Variants in LHCGR observed in about 807,000 individuals in gnomAD.
LHCGR encodes luteinizing hormone/choriogonadotropin receptor, also known as lutropin-choriogonadotropic hormone receptor.
LHCGR carries 55 observed loss-of-function variants against 60.7 expected under a neutral mutation model. That is an observed-to-expected ratio of 0.91 (90% CI 0.73 to 1.13). The LOEUF is 1.13. Among genes scored for constraint, LHCGR ranks in the 50% most tolerant of loss-of-function variants. The probability of loss-of-function intolerance (pLI) is 0.00; values close to 1 mark genes in which losing one functional copy is unlikely to be tolerated. For missense variants in LHCGR, 862 were observed against 836.0 expected (o/e 1.03, Z -0.38); for synonymous variants, 337 against 316.5 (o/e 1.06, Z -0.69).
chr2:48,687,885 G>A lies in LHCGR; in HGVS notation c.1912C>T (p.Leu638=). The change falls in exon 11 of 11, where the codon CTG becomes TTG. Residue 638 remains leucine (L), a synonymous_variant. Transcript: ENST00000294954. ...CGTTTACAGCAGCCAAATTTGCTCA[G>A]CAAAAGAAAGAAATCTCTTTGGAAT... ...KTFQRDFFLL[L]SKFGCCKRRA... 6.2e-7 allele frequency: 1 copy of A among 1,614,124 alleles called. No homozygotes were observed. Among genetic ancestry groups the A allele is most frequent in the Non-Finnish European group, 8.5e-7 (1 of 1,180,012 alleles).
intron 1 of LHCGR, among the ~76,000 whole-genome samples, chr2:48,741,440 A>G (rs917121324): frequency 3.8e-5 from 5 of 130,290 alleles, no homozygotes; most frequent in Admixed American, 7.5e-5. Context: ...ACAGCCAGAG[A>G]GAAAGGTCAG....
chr2:48,730,262 T>C (rs1221376457), intron 2 of LHCGR, among the ~76,000 whole-genome samples: 1 of 152,222 alleles, frequency 6.6e-6, no homozygotes, highest in African/African-American at 2.4e-5. Flanking sequence ...TATTTAACTG[T>C]AGCTCCTTTT....
At chr2:48,751,051 C>T (rs560951384) in intron 1 of LHCGR, among the ~76,000 whole-genome samples, 4 of 151,764 alleles carry the variant, frequency 2.6e-5, no homozygotes, top group African/African-American at 9.7e-5. Context: ...GAGATATGTA[C>T]AAAAATATAT....
intron 1 of LHCGR, among the ~76,000 whole-genome samples, chr2:48,752,994 G>GT (rs1670045305): frequency 2.9e-5 from 3 of 102,890 alleles, no homozygotes; most frequent in Non-Finnish European, 5.9e-5. Flanking sequence ...GGGGGGGGGG[G>GT]GGTGGGGAAG....
chr2:48,737,546 C>A (rs1040057152), intron 1 of LHCGR, among the ~76,000 whole-genome samples: 1 of 152,142 alleles, frequency 6.6e-6, no homozygotes, highest in African/African-American at 2.4e-5. Flanking sequence ...AATAGCTTTC[C>A]TCTTTTGAAA....
chr2:48,699,815 A>G (rs1282994494), intron 8 of LHCGR, among the ~76,000 whole-genome samples: 1 of 152,274 alleles, frequency 6.6e-6, no homozygotes, highest in Non-Finnish European at 1.5e-5. Context: ...TGGTTTTACT[A>G]GACTTGAGGC....
intron 10 of LHCGR, among the ~76,000 whole-genome samples, chr2:48,690,715 T>C (rs1399850748): frequency 6.6e-6 from 1 of 152,254 alleles, no homozygotes; most frequent in African/African-American, 2.4e-5. Context: ...GAAGGCTTTC[T>C]TGATTATAGT....
At chr2:48,689,582 A>T (rs1680105050) in intron 10 of LHCGR, among the ~76,000 whole-genome samples, 1 of 152,202 alleles carries the variant, frequency 6.6e-6, no homozygotes, top group Non-Finnish European at 1.5e-5. Flanking sequence ...TGGTGAAAAC[A>T]TTGCTCTTTA....
chr2:48,703,298 T>C (rs932420838), intron 8 of LHCGR, among the ~76,000 whole-genome samples: 1 of 152,258 alleles, frequency 6.6e-6, no homozygotes, highest in Non-Finnish European at 1.5e-5. Context: ...TTTGTCAATT[T>C]TGGCTTTTGT....
chr2:48,718,786 C>G (rs1373996012), intron 6 of LHCGR, among the ~76,000 whole-genome samples: 1 of 152,176 alleles, frequency 6.6e-6, no homozygotes, highest in Admixed American at 6.5e-5. Flanking sequence ...AGATGGGTAA[C>G]TGTGACCTGG....
At chr2:48,703,064 T>C (rs1202183031) in intron 8 of LHCGR, among the ~76,000 whole-genome samples, 1 of 152,244 alleles carries the variant, frequency 6.6e-6, no homozygotes, top group Non-Finnish European at 1.5e-5. Flanking sequence ...GCTGAACAAA[T>C]GTCTTCTTTT....
rs112824131 is a variant in LHCGR, at chr2:48,694,450, T to G, written c.867-146A>C. The G allele has an allele frequency of 2.9e-5, 19 of 659,486 alleles. No homozygotes were observed. The East Asian group carries it at 5.2e-4, about 18-fold the overall frequency. The allele number at this position is 659,486 out of a possible 1,614,324, so 40.9% of individuals were successfully genotyped here. The stretch of plus-strand genomic sequence containing the variant: ...TGCACCATTGTCCTAACTGAAATGC[T>G]TCCTGAGGAGAGAGTAAAGGCTTCT... On this transcript the variant is annotated intron_variant, in intron 9 of 10. Coordinates refer to ENST00000294954, the MANE Select transcript of LHCGR (RefSeq NM_000233.4).
At chr2:48,744,698 G>A (rs1429734283) in intron 1 of LHCGR, among the ~76,000 whole-genome samples, 1 of 138,346 alleles carries the variant, frequency 7.2e-6, no homozygotes, top group Non-Finnish European at 1.6e-5. Context: ...ATCAATTCAA[G>A]ATGGATTAAA....
At chr2:48,696,209 C>A (rs956090585) in intron 9 of LHCGR, among the ~76,000 whole-genome samples, 1 of 152,202 alleles carries the variant, frequency 6.6e-6, no homozygotes. Flanking sequence ...TGAGACAATG[C>A]ATTGTTTCTA....
chr2:48,708,740 A>G (rs1281986300), intron 8 of LHCGR: 3 of 613,628 alleles, frequency 4.9e-6, no homozygotes, highest in African/African-American at 1.8e-5. Context: ...TTCCAGAACC[A>G]TAAGACAAAA....
intron 1 of LHCGR, among the ~76,000 whole-genome samples, chr2:48,752,981 C>CGGGGGGGGGGGGAGGGG (rs1351621882): frequency 1.3e-4 from 1 of 7,634 alleles, no homozygotes; most frequent in Non-Finnish European, 2.6e-4. Context: ...CGGATTTTGG[C>CGGGGGGGGGGGGAGGGG]GGGGGGGGGG....
chr2:48,733,177 G>T (rs1453313511), intron 1 of LHCGR: 3 of 344,254 alleles, frequency 8.7e-6, no homozygotes, highest in Non-Finnish European at 1.1e-5. Context: ...TATTGCTGGG[G>T]ATAATGCAGT....
At chr2:48,747,076 T>G (rs1358933898) in intron 1 of LHCGR, among the ~76,000 whole-genome samples, 1 of 149,472 alleles carries the variant, frequency 6.7e-6, no homozygotes, top group Non-Finnish European at 1.5e-5. Flanking sequence ...TTATTTATTA[T>G]TATTTTTTCT....
In LHCGR at chr2:48,688,838, A is replaced by G. The variant is rs758825780; in HGVS notation, c.959T>C (p.Met320Thr). 9.9e-6 allele frequency: 16 copies of G among 1,614,124 alleles called. No homozygotes were observed. The South Asian group carries it at 1.6e-4, about 17-fold the overall frequency. ...GCCACTCAGTTCACTCTCAGCAAGCATGGAAGAATAACTGTAAGAAGAATT... is the reference window on the plus strand; with the variant it reads ...GCCACTCAGTTCACTCTCAGCAAGCGTGGAAGAATAACTGTAAGAAGAATT... ...KVNNKTLYSS[M>T]LAESELSGWD... The change falls in exon 11 of 11, where the codon ATG becomes ACG. Residue 320 changes from methionine to threonine, a missense_variant. Met to Thr is a moderately conservative substitution (Grantham distance 81). Transcript: ENST00000294954. This position sits in a 1 kb window ranked among gnomAD's most constrained non-coding sequence, Gnocchi z 5.2.
Sources: allele counts gnomAD v4.1 joint callset (sites outside exome capture counted in the v4.1 genomes callset), GRCh38; gene constraint gnomAD v4.1.1; non-coding constraint Gnocchi (gnomAD v3.1); transcripts MANE v1.5; gene names NCBI Gene and HGNC (gene_info 2026-07-23, HGNC 2026-07-21).